Variants in ADGRL3 observed in about 807,000 individuals in gnomAD.
ADGRL3 encodes calcium-independent alpha-latrotoxin receptor 3.
A neutral mutation model predicts 153.5 loss-of-function variants in ADGRL3; 62 were observed. The observed-to-expected ratio is 0.40, with a 90% confidence interval of 0.33 to 0.50. ADGRL3 has a LOEUF of 0.50. Among genes scored for constraint, ADGRL3 ranks in the 20% least tolerant of loss-of-function variants. The probability of loss-of-function intolerance (pLI) is 0.47; values close to 1 mark genes in which losing one functional copy is unlikely to be tolerated. For missense variants in ADGRL3, 1,641 were observed against 1,859.4 expected (o/e 0.88, Z 2.16); for synonymous variants, 710 against 672.5 (o/e 1.06, Z -0.86).
At chr4:61,308,926 A>G (rs1393936146) in intron 1 of ADGRL3, among the ~76,000 whole-genome samples, 1 of 152,150 alleles carries the variant, frequency 6.6e-6, no homozygotes, top group African/African-American at 2.4e-5. Context: ...CACAGAATAT[A>G]TGATACTATT....
intron 2 of ADGRL3, among the ~76,000 whole-genome samples, chr4:61,474,274 G>A (rs1187530014): frequency 6.6e-6 from 1 of 152,116 alleles, no homozygotes; most frequent in East Asian, 1.9e-4. Context: ...CTTCTAAATA[G>A]GGAAAATAAC....
intron 4 of ADGRL3, among the ~76,000 whole-genome samples, chr4:61,539,880 C>G (rs576721280): frequency 6.6e-6 from 1 of 152,114 alleles, no homozygotes; most frequent in Non-Finnish European, 1.5e-5. Flanking sequence ...TTCTGCTTCC[C>G]TTTTCTGTGC....
intron 21 of ADGRL3, among the ~76,000 whole-genome samples, chr4:62,011,797 G>A (rs187570266): frequency 1.3e-5 from 2 of 152,076 alleles, no homozygotes; most frequent in Admixed American, 1.3e-4. Flanking sequence ...TAAAGTCAAA[G>A]TTCTTAAAAG....
At chr4:61,679,431 T>C (rs2095285807) in intron 6 of ADGRL3, among the ~76,000 whole-genome samples, 1 of 152,094 alleles carries the variant, frequency 6.6e-6, no homozygotes, top group African/African-American at 2.4e-5. Context: ...CTAGGTCCTT[T>C]TCCTGGATCT....
chr4:61,424,916 G>A (rs2124794), intron 2 of ADGRL3, among the ~76,000 whole-genome samples: 69,195 of 151,958 alleles, frequency 0.46, 16,490 homozygotes, highest in Middle Eastern at 0.6. Context: ...TCCCAGTTGT[G>A]TGGGCATCTA....
chr4:61,249,407 A>G (rs1243638569), intron 1 of ADGRL3, among the ~76,000 whole-genome samples: 1 of 152,058 alleles, frequency 6.6e-6, no homozygotes, highest in Non-Finnish European at 1.5e-5. Flanking sequence ...CATGATCTGG[A>G]GAGACCAAAG....
intron 21 of ADGRL3, among the ~76,000 whole-genome samples, chr4:62,017,146 A>C (rs2151325950): frequency 6.6e-6 from 1 of 152,208 alleles, no homozygotes; most frequent in South Asian, 2.1e-4. Flanking sequence ...ATAAGTTAAA[A>C]ATTATCTCTA....
Position 61,895,806 on chromosome 4 carries a change from C to A in ADGRL3, c.1859C>A (p.Ser620Tyr). 1 of 1,595,092 alleles carries A rather than the reference C, an allele frequency of 6.3e-7. No homozygotes were observed. The highest frequency in any genetic ancestry group is 1.1e-5 in the South Asian group (1 of 87,962). Residue 620 changes from serine (S) to tyrosine (Y), a missense_variant, in exon 11 of 27, where the codon TCT becomes TAT. Transcript: ENST00000683033. ...PQGPDLSNCS[S>Y]PWVNHITQKL... is the part of the protein sequence containing the mutation. Reference sequence around the variant, plus strand: ...GGTCCAGATCTCAGCAACTGTTCTTCTCCTTGGGTCAATCATATAACACAG... The same window carrying A: ...GGTCCAGATCTCAGCAACTGTTCTTATCCTTGGGTCAATCATATAACACAG...
chr4:61,553,290 G>A (rs193171143), intron 4 of ADGRL3, among the ~76,000 whole-genome samples: 222 of 152,136 alleles, frequency 1.5e-3, no homozygotes, highest in Admixed American at 3.9e-3. Flanking sequence ...TTCAACGTAA[G>A]CATCTCTGTA....
At chr4:61,933,630 A>G (rs1326623545) in intron 13 of ADGRL3, among the ~76,000 whole-genome samples, 1 of 152,236 alleles carries the variant, frequency 6.6e-6, no homozygotes, top group Non-Finnish European at 1.5e-5. Context: ...ATATCAAGAA[A>G]AAAACAACTT....
intron 14 of ADGRL3, 54 bp from the exon 15 acceptor site, chr4:61,935,869 T>C (rs527512733): frequency 6.7e-6 from 10 of 1,499,620 alleles, no homozygotes; most frequent in East Asian, 2.4e-5. Context: ...TAGGAAATTA[T>C]TGTAGCTTAG....
chr4:61,584,221 A>G (rs1213397853), intron 4 of ADGRL3, among the ~76,000 whole-genome samples: 1 of 152,048 alleles, frequency 6.6e-6, no homozygotes, highest in Non-Finnish European at 1.5e-5. Flanking sequence ...TAAACAAAGT[A>G]TCCATCATTT....
intron 2 of ADGRL3, among the ~76,000 whole-genome samples, chr4:61,428,467 G>GTTTC (rs1295425070): frequency 1.3e-5 from 2 of 152,188 alleles, no homozygotes. Context: ...GTTAAGGAAA[G>GTTTC]ACCATCAATA....
rs577586017 is a variant in ADGRL3 at position 61,450,874 on chromosome 4, A to G, written c.-173-46247A>G. On this transcript the variant is annotated intron_variant, in intron 2 of 26. Transcript: ENST00000683033. ...GAAGACGAGGCTTTATCAAATGAAG[A>G]GTCATAACTGCTTCCCAGAGAAGAG... is the stretch of plus-strand genomic sequence containing the variant. 8.5e-5 allele frequency among the ~76,000 whole-genome samples: 13 copies of G among 152,250 alleles called. No homozygotes were observed. In the East Asian group the frequency reaches 2.5e-3, roughly 29 times the overall value.
At chr4:62,025,353 G>A (rs931185251) in intron 21 of ADGRL3, among the ~76,000 whole-genome samples, 5 of 152,098 alleles carry the variant, frequency 3.3e-5, no homozygotes, top group Non-Finnish European at 7.4e-5. Context: ...GTGACTAGGG[G>A]ATTAGTATAA....
In ADGRL3 at chr4:61,979,747, T is replaced by G; in HGVS notation, c.2990T>G (p.Ile997Ser). 1 of 1,613,910 alleles carries G rather than the reference T, an allele frequency of 6.2e-7. No individual in the cohort carries two copies. Among genetic ancestry groups the G allele is most frequent in the Non-Finnish European group, 8.5e-7 (1 of 1,179,834 alleles). The change falls in exon 18 of 27, where the codon ATT becomes AGT. Residue 997 changes from isoleucine (I) to serine (S), a missense_variant. By Grantham distance (142) the Ile-to-Ser change is moderately radical. Transcript: ENST00000683033. ...TTTGTAGCAGAGCTGCTCTTCCTGA[T>G]TGGGATCAACCGAACTGACCAACCA... The part of the protein sequence containing the change: ...SLFVAELLFL[I>S]GINRTDQPIA...
chr4:61,282,152 G>T (rs2093746248), intron 1 of ADGRL3, among the ~76,000 whole-genome samples: 1 of 152,090 alleles, frequency 6.6e-6, no homozygotes, highest in Non-Finnish European at 1.5e-5. Flanking sequence ...TCATTGAGAT[G>T]AAGCTGAGAA....
At chr4:61,792,521 C>T (rs560911439) in intron 8 of ADGRL3, among the ~76,000 whole-genome samples, 65 of 150,994 alleles carry the variant, frequency 4.3e-4, no homozygotes, top group African/African-American at 1.3e-3. Flanking sequence ...GACCGAGTCT[C>T]ACTCTGTCAC....
chr4:61,911,586 A>G (rs1033003768), intron 12 of ADGRL3, among the ~76,000 whole-genome samples: 15 of 152,124 alleles, frequency 9.9e-5, no homozygotes, highest in East Asian at 1.9e-4. Context: ...GTACAAATCA[A>G]TCGTGCTCTG....
Sources: gnomAD v4.1 joint callset for allele counts (sites outside exome capture counted in the v4.1 genomes callset) on GRCh38, gnomAD v4.1.1 for gene constraint, MANE v1.5 for transcripts, NCBI Gene and HGNC (gene_info 2026-07-23, HGNC 2026-07-21) for gene names.